Variants in KHDRBS2 observed in about 807,000 individuals in gnomAD.
KHDRBS2 encodes the protein KH domain-containing, RNA-binding, signal transduction-associated protein 2.
Under a neutral mutation model 44.3 loss-of-function variants are expected in KHDRBS2, and 26 were observed. The observed-to-expected ratio is 0.59, with a 90% CI of 0.43 to 0.81. KHDRBS2 has a LOEUF of 0.81. KHDRBS2 is among the 40% of genes least tolerant of loss of function. The pLI is 0.00. For synonymous variants in KHDRBS2, 194 were observed against 151.1 expected (o/e 1.28, Z -2.08); for missense variants, 476 against 433.1 (o/e 1.10, Z -0.88).
At chr6:62,179,285 C>A (rs1297105977) in intron 1 of KHDRBS2, among the ~76,000 whole-genome samples, 2 of 151,664 alleles carry the variant, frequency 1.3e-5, no homozygotes, top group Non-Finnish European at 3.0e-5. Flanking sequence ...AGACAAGTAT[C>A]TTGAACTAAA....
At chr6:62,041,434 G>A (rs1429601867) in intron 3 of KHDRBS2, among the ~76,000 whole-genome samples, 1 of 151,978 alleles carries the variant, frequency 6.6e-6, no homozygotes, top group Non-Finnish European at 1.5e-5. Flanking sequence ...TATAATTCTG[G>A]CTTATAAATT....
chr6:62,005,201 C>T (rs1432671593), intron 3 of KHDRBS2, among the ~76,000 whole-genome samples: 1 of 152,026 alleles, frequency 6.6e-6, no homozygotes, highest in African/African-American at 2.4e-5. Flanking sequence ...TCAATCCACT[C>T]CTCTTCCTCA....
At chr6:62,085,717 T>G (rs1798255850) in intron 2 of KHDRBS2, among the ~76,000 whole-genome samples, 1 of 152,124 alleles carries the variant, frequency 6.6e-6, no homozygotes, top group Non-Finnish European at 1.5e-5. Flanking sequence ...AGCAATGTAT[T>G]GACAAATAAA....
At chr6:61,656,682 G>T in the KHDRBS2 span, among the ~76,000 whole-genome samples, 1 of 151,890 alleles carries the variant, frequency 6.6e-6, no homozygotes, top group Admixed American at 6.6e-5. Flanking sequence ...CTACCAAAAT[G>T]AAGTCATTGA....
chr6:61,852,931 AC>A (rs1417797565), intron 6 of KHDRBS2, among the ~76,000 whole-genome samples: 61 of 152,254 alleles, frequency 4.0e-4, no homozygotes, highest in Non-Finnish European at 4.4e-5. Context: ...TCTTAACTCT[AC>A]CCACCATACC....
chr6:62,068,477 A>T (rs1794256805), intron 2 of KHDRBS2, among the ~76,000 whole-genome samples: 1 of 151,298 alleles, frequency 6.6e-6, no homozygotes, highest in Non-Finnish European at 1.5e-5. Context: ...CATTTTCTTG[A>T]CGGCTGTCAT....
At chr6:61,824,540 C>T (rs1790533395) in intron 6 of KHDRBS2, among the ~76,000 whole-genome samples, 1 of 152,070 alleles carries the variant, frequency 6.6e-6, no homozygotes, top group South Asian at 2.1e-4. Context: ...TCGGGTAGTT[C>T]TTTATAGCAG....
At chr6:62,251,352 T>A (rs191080653) in intron 1 of KHDRBS2, among the ~76,000 whole-genome samples, 7 of 151,838 alleles carry the variant, frequency 4.6e-5, no homozygotes, top group African/African-American at 1.7e-4. Context: ...ACCACAAATA[T>A]GTAAAAATAT....
At chr6:62,177,412 CTT>C (rs1453243634) in intron 1 of KHDRBS2, 100 bp from the exon 2 acceptor site, 7 of 897,738 alleles carry the variant, frequency 7.8e-6, no homozygotes, top group Non-Finnish European at 1.1e-5. Context: ...TATTACTCCT[CTT>C]CTCAAATAAG....
At chr6:61,651,529 G>T in the KHDRBS2 span, among the ~76,000 whole-genome samples, 1 of 152,156 alleles carries the variant, frequency 6.6e-6, no homozygotes, top group Admixed American at 6.6e-5. Flanking sequence ...AAAAGTTTCA[G>T]ATTTTGTAGA....
intron 4 of KHDRBS2, among the ~76,000 whole-genome samples, chr6:61,918,733 G>C (rs1365684996): frequency 6.6e-6 from 1 of 151,924 alleles, no homozygotes; most frequent in Non-Finnish European, 1.5e-5. Flanking sequence ...AAAAGAAGAG[G>C]TAATCAAAGA....
In KHDRBS2 at chr6:61,889,973, G is replaced by A. The variant is rs189316867; in HGVS notation, c.810+4662C>T. Among the ~76,000 whole-genome samples, 135 of 152,236 alleles carry A rather than the reference G, an allele frequency of 8.9e-4. 1 individual carries two copies. Among genetic ancestry groups the A allele is most frequent in the Non-Finnish European group, 1.6e-4 (11 of 68,028 alleles). On this transcript the variant is annotated intron_variant, in intron 6 of 8. Coordinates refer to ENST00000281156, the MANE Select transcript of KHDRBS2 (RefSeq NM_152688.4). The stretch of plus-strand genomic sequence containing the variant: ...AATTCATTTAAGCATTTGCTCAAAC[G>A]TCTCCACTTCAGAGAGACCTTCCCT...
intron 1 of KHDRBS2, among the ~76,000 whole-genome samples, chr6:62,264,957 C>T (rs1318099099): frequency 6.6e-6 from 1 of 151,714 alleles, no homozygotes; most frequent in Non-Finnish European, 1.5e-5. Flanking sequence ...CTGCCCCTAC[C>T]CACTGAAACT....
At chr6:61,778,356 T>A (rs1196541746) in intron 6 of KHDRBS2, among the ~76,000 whole-genome samples, 4 of 152,090 alleles carry the variant, frequency 2.6e-5, no homozygotes, top group Non-Finnish European at 5.9e-5. Flanking sequence ...ATCTTTATCA[T>A]AACTCATTGA....
intron 2 of KHDRBS2, among the ~76,000 whole-genome samples, chr6:62,074,397 A>T (rs1795916713): frequency 6.6e-6 from 1 of 151,842 alleles, no homozygotes; most frequent in Non-Finnish European, 1.5e-5. Flanking sequence ...TTAAAATTTA[A>T]GATGGTCTTT....
chr6:61,694,688 G>A (rs1175305921), intron 8 of KHDRBS2, among the ~76,000 whole-genome samples: 2 of 152,128 alleles, frequency 1.3e-5, no homozygotes, highest in Non-Finnish European at 2.9e-5. Flanking sequence ...GTGTGGCTTT[G>A]GAGACAGCCT....
At chr6:61,816,472 T>C in intron 6 of KHDRBS2, 1 of 269,022 alleles carries the variant, frequency 3.7e-6, no homozygotes, top group South Asian at 3.4e-5. Flanking sequence ...TGCCAAAAAC[T>C]GATGGCCAAC....
At chr6:61,802,477 T>C (rs940300633) in intron 6 of KHDRBS2, among the ~76,000 whole-genome samples, 13 of 152,188 alleles carry the variant, frequency 8.5e-5, no homozygotes, top group African/African-American at 3.1e-4. Flanking sequence ...CACAGCACTA[T>C]TGTGAAGATA....
At chr6:62,263,935 C>A (rs7740504) in intron 1 of KHDRBS2, among the ~76,000 whole-genome samples, 2,385 of 151,836 alleles carry the variant, frequency 0.016, 62 homozygotes, top group African/African-American at 0.055. Flanking sequence ...CATGGGACAT[C>A]ATTGTCCTTA....
Sources: allele counts gnomAD v4.1 joint callset (sites outside exome capture counted in the v4.1 genomes callset), GRCh38; gene constraint gnomAD v4.1.1; transcripts MANE v1.5; gene names NCBI Gene and HGNC (gene_info 2026-07-23, HGNC 2026-07-21).